PRKAA2: variants seen among roughly 807,000 people sequenced by gnomAD.
The protein encoded by PRKAA2 is 5'-AMP-activated protein kinase catalytic subunit alpha-2.
In PRKAA2, 40 loss-of-function variants were observed where a neutral mutation model predicts 56.3. The ratio of observed to expected loss-of-function variants is 0.71; its 90% CI spans 0.55 to 0.92. PRKAA2 has a LOEUF of 0.92. Among genes scored for constraint, PRKAA2 ranks in the 40% least tolerant of loss-of-function variants. The pLI is 0.00. For synonymous variants in PRKAA2, 214 were observed against 234.2 expected, an observed-to-expected ratio of 0.91 and a Z score of 0.79; for missense variants, 542 against 686.9, an observed-to-expected ratio of 0.79 and a Z score of 2.36.
chr1:56,657,201 G>A (rs1455870022), intron 1 of PRKAA2, among the ~76,000 whole-genome samples: 1 of 152,088 alleles, frequency 6.6e-6, no homozygotes, highest in Non-Finnish European at 1.5e-5. Context: ...TATCTTAAAA[G>A]CAGCCAGGGG....
rs770496440 is a variant in PRKAA2, at chr1:56,707,536, C to A, written c.1482C>A (p.Gly494=). 6.2e-7 allele frequency: 1 copy of A among 1,614,154 alleles called. No individual in the cohort carries two copies. Among genetic ancestry groups the A allele is most frequent in the South Asian group, 1.1e-5 (1 of 91,082 alleles). The change falls in exon 9 of 9, where the codon GGC becomes GGA. Residue 494 remains glycine, a synonymous_variant. Coordinates refer to ENST00000371244, the MANE Select transcript of PRKAA2 (RefSeq NM_006252.4). ...STPQRSCSAA[G]LHRPRSSFDS... ...CTCAGCGTTCCTGTTCTGCTGCTGGCTTACACAGACCAAGATCAAGTTTTG... is the reference window on the plus strand; with the variant it reads ...CTCAGCGTTCCTGTTCTGCTGCTGGATTACACAGACCAAGATCAAGTTTTG...
At chr1:56,688,296 G>T (rs1337282802) in intron 2 of PRKAA2, among the ~76,000 whole-genome samples, 3 of 152,118 alleles carry the variant, frequency 2.0e-5, no homozygotes, top group African/African-American at 4.8e-5. Context: ...TTCAGTTTCA[G>T]ATTACTCTGG....
intron 6 of PRKAA2, among the ~76,000 whole-genome samples, chr1:56,702,467 C>G (rs1307138277): frequency 6.6e-6 from 1 of 152,194 alleles, no homozygotes; most frequent in Non-Finnish European, 1.5e-5. Context: ...TACCCTGTCT[C>G]TTTAAAATCC....
Position 56,707,833 on chromosome 1 carries a change from G to C in PRKAA2, c.*120G>C. 1 of 939,090 alleles carries C rather than the reference G, an allele frequency of 1.1e-6. No homozygotes were observed. Among genetic ancestry groups the C allele is most frequent in the Non-Finnish European group, 1.6e-6 (1 of 622,184 alleles). The allele number at this position is 939,090 out of a possible 1,614,324, so 58.2% of individuals were successfully genotyped here. On this transcript the variant is annotated 3_prime_UTR_variant, in exon 9 of 9. Transcript: ENST00000371244. ...AATTGAGAAACATGAATTATTTCCA[G>C]GGGCACACAATGCTATTGAAATTAC...
intron 2 of PRKAA2, among the ~76,000 whole-genome samples, chr1:56,686,548 G>C (rs532504874): frequency 2.4e-4 from 37 of 152,170 alleles, no homozygotes; most frequent in Admixed American, 1.3e-4. Context: ...TTCTAGTAAG[G>C]GTCTCAGGAA....
chr1:56,701,348 T>G (rs991615848), intron 6 of PRKAA2, among the ~76,000 whole-genome samples: 1 of 151,936 alleles, frequency 6.6e-6, no homozygotes, highest in African/African-American at 2.4e-5. Flanking sequence ...TGAGCCAAGA[T>G]TGCGCTACTG....
At chr1:56,696,189 T>C in intron 6 of PRKAA2, 30 bp downstream of exon 6, 1 of 1,551,562 alleles carries the variant, frequency 6.4e-7, no homozygotes, top group Non-Finnish European at 8.9e-7. Context: ...CTGTTCTGCA[T>C]ATTTTCTCAT....
chr1:56,692,791 GTT>G (rs201416995), intron 4 of PRKAA2, among the ~76,000 whole-genome samples: 6 of 135,452 alleles, frequency 4.4e-5, no homozygotes, highest in Admixed American at 2.2e-4. Context: ...CTGTTTTTTT[GTT>G]TTTTTTTTTT....
At chr1:56,679,571 C>T (rs754999346) in intron 2 of PRKAA2, among the ~76,000 whole-genome samples, 71 of 152,096 alleles carry the variant, frequency 4.7e-4, no homozygotes, top group African/African-American at 4.1e-4. Flanking sequence ...TTAAGGTCTG[C>T]ACTTCTTTTT....
chr1:56,705,757 A>G (rs550694792), intron 7 of PRKAA2, among the ~76,000 whole-genome samples: 4 of 152,196 alleles, frequency 2.6e-5, no homozygotes, highest in Non-Finnish European at 5.9e-5. Flanking sequence ...GAGACTGGAC[A>G]ACCAAATTAG....
intron 1 of PRKAA2, among the ~76,000 whole-genome samples, chr1:56,666,773 ATACTT>A (rs1241104736): frequency 1.2e-4 from 18 of 152,312 alleles, no homozygotes; most frequent in African/African-American, 4.3e-4. Context: ...TATTATATAA[ATACTT>A]TATGTATACC....
At chr1:56,695,434 G>A (rs192167313) in intron 5 of PRKAA2, among the ~76,000 whole-genome samples, 99 of 151,778 alleles carry the variant, frequency 6.5e-4, no homozygotes, top group East Asian at 1.2e-3. Context: ...CAAGCAATCC[G>A]CCCGCCTCAG....
At chr1:56,662,429 T>A (rs1246009654) in intron 1 of PRKAA2, among the ~76,000 whole-genome samples, 3 of 151,974 alleles carry the variant, frequency 2.0e-5, no homozygotes, top group African/African-American at 7.2e-5. Context: ...TTTCAATTTT[T>A]TAATTAAATA....
chr1:56,669,590 C>G (rs1426609696), intron 1 of PRKAA2, among the ~76,000 whole-genome samples: 1 of 152,038 alleles, frequency 6.6e-6, no homozygotes, highest in African/African-American at 2.4e-5. Flanking sequence ...AAATTTTTAC[C>G]CAGCCCCATT....
At chr1:56,693,068 G>A (rs927287620) in intron 4 of PRKAA2, among the ~76,000 whole-genome samples, 1 of 152,152 alleles carries the variant, frequency 6.6e-6, no homozygotes, top group Non-Finnish European at 1.5e-5. Context: ...TGGAAAGGAT[G>A]CCTTAATAGG....
chr1:56,681,354 A>T (rs1008029275), intron 2 of PRKAA2, among the ~76,000 whole-genome samples: 1 of 152,082 alleles, frequency 6.6e-6, no homozygotes, highest in African/African-American at 2.4e-5. Context: ...GAAGCTCTTT[A>T]GTTTAATTAG....
At chr1:56,675,275 TAC>T (rs1644105231) in intron 2 of PRKAA2, among the ~76,000 whole-genome samples, 1 of 152,164 alleles carries the variant, frequency 6.6e-6, no homozygotes, top group Admixed American at 6.5e-5. Flanking sequence ...TAAGCTTGGA[TAC>T]AGTTTTATAA....
intron 1 of PRKAA2, among the ~76,000 whole-genome samples, chr1:56,673,961 A>G (rs1644095452): frequency 6.6e-6 from 1 of 151,644 alleles, no homozygotes; most frequent in South Asian, 2.1e-4. Context: ...AATTACTGTG[A>G]ATTTTTGATT....
At chr1:56,673,502 T>G (rs1044058004) in intron 1 of PRKAA2, among the ~76,000 whole-genome samples, 1 of 152,156 alleles carries the variant, frequency 6.6e-6, no homozygotes, top group African/African-American at 2.4e-5. Flanking sequence ...AGTGAAAGAT[T>G]AGAATAGAAT....
Sources: gnomAD v4.1 joint callset for allele counts (sites outside exome capture counted in the v4.1 genomes callset) on GRCh38, gnomAD v4.1.1 for gene constraint, MANE v1.5 for transcripts, NCBI Gene and HGNC (gene_info 2026-07-23, HGNC 2026-07-21) for gene names.